NOL4L: variants seen among roughly 807,000 people sequenced by gnomAD.
The protein encoded by NOL4L is nucleolar protein 4-like.
NOL4L carries 7 observed loss-of-function variants against 64.5 expected under a neutral mutation model. The observed-to-expected ratio is 0.11, with a 90% CI of 0.06 to 0.20. The LOEUF (loss-of-function observed/expected upper bound fraction) is 0.20. Ranked by LOEUF, NOL4L falls within the 10% of genes least tolerant of loss-of-function variation. NOL4L has a pLI of 1.00. For synonymous variants in NOL4L, 413 were observed against 401.0 expected, an observed-to-expected ratio of 1.03 and a Z score of -0.36; for missense variants, 680 against 967.1, an observed-to-expected ratio of 0.70 and a Z score of 3.94.
rs2014279592 is a variant in NOL4L at position 32,463,546 on chromosome 20, C to T, written c.842-7151G>A. On this transcript the variant is annotated intron_variant, in intron 5 of 10. Coordinates refer to ENST00000621426, the MANE Select transcript of NOL4L (RefSeq NM_001256798.2). The surrounding 1 kb of genome is among the most constrained non-coding windows in gnomAD (Gnocchi z 5.8). ...CATCTGGGCAGGACCCGGAGCCCAC[C>T]ACCTGTGCCCAGAATGCCTACGGGC... Among the ~76,000 whole-genome samples the T allele has an allele frequency of 6.6e-6, 1 of 152,220 alleles. No individual in the cohort carries two copies. Among genetic ancestry groups the T allele is most frequent in the Admixed American group, 6.5e-5 (1 of 15,286 alleles).
intron 4 of NOL4L, among the ~76,000 whole-genome samples, chr20:32,505,081 CAGTT>C (rs1213787752): frequency 1.3e-5 from 2 of 152,212 alleles, no homozygotes; most frequent in African/African-American, 4.8e-5. Flanking sequence ...GAGCCTAAGT[CAGTT>C]AGACTTAAAC....
intron 9 of NOL4L, 135 bp from the exon 10 acceptor site, chr20:32,452,572 T>A (rs2013036775): frequency 1.1e-6 from 1 of 885,562 alleles, no homozygotes; most frequent in African/African-American, 1.7e-5. Flanking sequence ...CCTGTGGGAT[T>A]CTGTCTGTCC....
At position 32,489,862 on chromosome 20, in the gene NOL4L, C is replaced by A. The variant is rs1431592283; in HGVS notation, c.700-15120G>T. Among the ~76,000 whole-genome samples the A allele has an allele frequency of 2.0e-5, 3 of 151,206 alleles. No homozygotes were observed. The East Asian group carries it at 5.9e-4, about 30-fold the overall frequency. Reference sequence around the variant, plus strand: ...TAAGTTTTCTGGCCTGGCATGGTGACTCACGCCTGTAATCCCAGCATTTTG... The same window carrying A: ...TAAGTTTTCTGGCCTGGCATGGTGAATCACGCCTGTAATCCCAGCATTTTG... On this transcript the variant is annotated intron_variant, in intron 4 of 10. Coordinates refer to ENST00000621426, the MANE Select transcript of NOL4L (RefSeq NM_001256798.2).
chr20:32,511,464 A>G lies in NOL4L; in HGVS notation c.590-8T>C. ...GAGATGGAGGCTCGTTTTCTGGCAGAAAGAACAAAAGGAAAGCCCTTTCAG... is the reference window on the plus strand; with the variant it reads ...GAGATGGAGGCTCGTTTTCTGGCAGGAAGAACAAAAGGAAAGCCCTTTCAG... On this transcript the variant is annotated splice_region_variant and splice_polypyrimidine_tract_variant and intron_variant, in intron 3 of 10. Transcript: ENST00000621426. 1.3e-6 allele frequency: 2 copies of G among 1,533,830 alleles called. No homozygotes were observed. The highest frequency in any genetic ancestry group is 2.7e-5 in the African/African-American group (2 of 72,798).
At chr20:32,548,949 A>G (rs1426640886) in intron 1 of NOL4L, 4 of 292,554 alleles carry the variant, frequency 1.4e-5, no homozygotes, top group Non-Finnish European at 2.7e-5. Flanking sequence ...CAGCATACAG[A>G]TTTACTGTTT....
At chr20:32,581,191 A>G (rs1441982349) in intron 1 of NOL4L, among the ~76,000 whole-genome samples, 1 of 151,752 alleles carries the variant, frequency 6.6e-6, no homozygotes, top group Non-Finnish European at 1.5e-5. Flanking sequence ...TCCACCTTCT[A>G]CTTCCTGTGA....
chr20:32,477,153 G>A (rs1332545052), intron 4 of NOL4L, among the ~76,000 whole-genome samples: 2 of 152,216 alleles, frequency 1.3e-5, no homozygotes, highest in Admixed American at 1.3e-4. Flanking sequence ...TCTCAGCCAA[G>A]TTCAAACCAT....
intron 2 of NOL4L, 36 bp downstream of exon 2, chr20:32,527,722 G>T: frequency 6.5e-7 from 1 of 1,527,752 alleles, no homozygotes. Flanking sequence ...CCAAGGCCTG[G>T]GGCTGCCAGT....
intron 3 of NOL4L, among the ~76,000 whole-genome samples, chr20:32,511,898 T>C (rs916856616): frequency 6.6e-6 from 1 of 152,054 alleles, no homozygotes; most frequent in South Asian, 2.1e-4. Context: ...CCTAGCTACA[T>C]AGGAGGCTGA....
chr20:32,542,012 G>A (rs2145598518), intron 1 of NOL4L, among the ~76,000 whole-genome samples: 2 of 152,286 alleles, frequency 1.3e-5, no homozygotes, highest in Non-Finnish European at 2.9e-5. Context: ...TATGGATCTG[G>A]TCCTTCCCTG....
intron 1 of NOL4L, among the ~76,000 whole-genome samples, chr20:32,553,758 G>A (rs947254532): frequency 1.3e-4 from 20 of 152,300 alleles, no homozygotes; most frequent in African/African-American, 4.3e-4. Context: ...ACAGACCAGA[G>A]GAGGTTAAGG....
chr20:32,528,832 G>T lies in NOL4L; in HGVS notation c.322-919C>A, dbSNP rs368360503. On this transcript the variant is annotated intron_variant, in intron 1 of 10. Coordinates refer to ENST00000621426, the MANE Select transcript of NOL4L (RefSeq NM_001256798.2). ...GCTGTCAGCCACCAGCTCCTTCAGGGGAGTCTGTGGGGACGTTAGGGGGCT... is the reference window on the plus strand; with the variant it reads ...GCTGTCAGCCACCAGCTCCTTCAGGTGAGTCTGTGGGGACGTTAGGGGGCT... Among the ~76,000 whole-genome samples, 7 of 152,326 alleles carry T rather than the reference G, an allele frequency of 4.6e-5. No homozygotes were observed. In the East Asian group the frequency reaches 1.2e-3, roughly 25 times the overall value.
rs2013960862 is a variant in NOL4L at position 32,460,688 on chromosome 20, GA to G, written c.842-4294del. Among the ~76,000 whole-genome samples the G allele has an allele frequency of 6.6e-6, 1 of 152,156 alleles. No individual in the cohort carries two copies. The highest frequency in any genetic ancestry group is 1.5e-5 in the Non-Finnish European group (1 of 68,022). Reference sequence around the variant, plus strand: ...CATAACTCACCCACTGCCGACGCACGAGGCTCCCAGACTGCAACGGGGGCTT... The same window carrying G: ...CATAACTCACCCACTGCCGACGCACGGGCTCCCAGACTGCAACGGGGGCTT... On this transcript the variant is annotated intron_variant, in intron 5 of 10. Coordinates refer to ENST00000621426, the MANE Select transcript of NOL4L (RefSeq NM_001256798.2). This position sits in a 1 kb window ranked among gnomAD's most constrained non-coding sequence, Gnocchi z 5.7.
chr20:32,541,746 A>G (rs538683611), intron 1 of NOL4L, among the ~76,000 whole-genome samples: 3 of 152,242 alleles, frequency 2.0e-5, no homozygotes, highest in African/African-American at 4.8e-5. Flanking sequence ...GGCGGGGTAA[A>G]TGGGCCAGCC....
chr20:32,496,230 G>A (rs62207978), intron 4 of NOL4L, among the ~76,000 whole-genome samples: 37 of 152,252 alleles, frequency 2.4e-4, no homozygotes, highest in Admixed American at 3.9e-4. Flanking sequence ...CCTGTGCCTG[G>A]AAAGCCCTCC....
chr20:32,564,650 C>G (rs1979309839), intron 1 of NOL4L, among the ~76,000 whole-genome samples: 1 of 152,234 alleles, frequency 6.6e-6, no homozygotes, highest in South Asian at 2.1e-4. Flanking sequence ...ACAATCTTCC[C>G]TCTTTGTGCC....
At chr20:32,549,323 A>C (rs933816339) in intron 1 of NOL4L, among the ~76,000 whole-genome samples, 1 of 152,218 alleles carries the variant, frequency 6.6e-6, no homozygotes, top group African/African-American at 2.4e-5. Context: ...ATATTTCTTC[A>C]ATAGAGATAT....
chr20:32,562,253 C>T (rs565300257), intron 1 of NOL4L, among the ~76,000 whole-genome samples: 8 of 152,162 alleles, frequency 5.3e-5, no homozygotes, highest in East Asian at 1.9e-4. Flanking sequence ...TTCCACCCCC[C>T]ACCCGCCCAT....
At chr20:32,474,544 A>G (rs1360302434) in intron 5 of NOL4L, 57 bp downstream of exon 5, 2 of 1,565,054 alleles carry the variant, frequency 1.3e-6, no homozygotes, top group Non-Finnish European at 1.7e-6. Flanking sequence ...CCTGAGGACA[A>G]CTGGGAGCAG....
Sources: allele counts gnomAD v4.1 joint callset (sites outside exome capture counted in the v4.1 genomes callset), GRCh38; gene constraint gnomAD v4.1.1; non-coding constraint Gnocchi (gnomAD v3.1); transcripts MANE v1.5; gene names NCBI Gene and HGNC (gene_info 2026-07-23, HGNC 2026-07-21).